The following SSC4D variants were observed in gnomAD, a reference collection of about 807,000 sequenced individuals.
The protein encoded by SSC4D is scavenger receptor cysteine rich family member with 4 domains, also known as scavenger receptor cysteine-rich domain-containing group B protein.
SSC4D carries 57 observed loss-of-function variants against 63.4 expected under a neutral mutation model. The observed-to-expected ratio is 0.90, with a 90% CI of 0.73 to 1.12. The LOEUF is 1.12. SSC4D is among the 50% of genes most tolerant of loss of function. The pLI, the probability that SSC4D is intolerant of heterozygous loss-of-function variation, is 0.00. For synonymous variants in SSC4D, 352 were observed against 345.4 expected (o/e 1.02, Z -0.21); for missense variants, 791 against 806.4 (o/e 0.98, Z 0.23).
chr7:76,394,768 T>TATATATATATATATAA (rs1554621451), intron 7 of SSC4D, among the ~76,000 whole-genome samples: 9 of 122,122 alleles, frequency 7.4e-5, no homozygotes, highest in African/African-American at 2.4e-4. Flanking sequence ...TATATATATA[T>TATATATATATATATAA]AAAATATGTA....
chr7:76,395,506 G>A (rs1804615237), intron 6 of SSC4D, among the ~76,000 whole-genome samples, 176 bp from the exon 7 acceptor site: 1 of 152,174 alleles, frequency 6.6e-6, no homozygotes, highest in Non-Finnish European at 1.5e-5. Flanking sequence ...CTTTGATAGT[G>A]GTTGTAATTC....
intron 9 of SSC4D, 71 bp downstream of exon 9, chr7:76,393,334 G>A: frequency 7.8e-7 from 1 of 1,281,504 alleles, no homozygotes; most frequent in South Asian, 2.4e-5. Context: ...CTCGCGCGTG[G>A]CGCCGCCCCG....
Position 76,400,991 on chromosome 7 carries a change from C to T in SSC4D, c.169+17G>A, listed in dbSNP as rs199648945. ...GCGGACAGGTGAGGGTGAGGAAGGG[C>T]GGGGTGGGGCACCTACCTTGAAAGG... is the stretch of plus-strand genomic sequence containing the variant. On this transcript the variant is annotated intron_variant, in intron 3 of 10. Coordinates refer to ENST00000275560, the MANE Select transcript of SSC4D (RefSeq NM_080744.2). The T allele has an allele frequency of 2.8e-5, 43 of 1,550,542 alleles. No homozygotes were observed. Among genetic ancestry groups the T allele is most frequent in the African/African-American group, 2.5e-4 (18 of 73,060 alleles).
chr7:76,401,180 A>G, intron 2 of SSC4D, 137 bp from the exon 3 acceptor site: 1 of 1,246,286 alleles, frequency 8.0e-7, no homozygotes, highest in South Asian at 1.6e-5. Context: ...GCTTTGCCAA[A>G]GCCCCATTGT....
rs867947410 is a variant in SSC4D, at chr7:76,405,299, A to T, written c.-66-794T>A. ...TATATATATATATATATATATATAT[A>T]TATATATATATATATATGTATTTTT... On this transcript the variant is annotated intron_variant, in intron 1 of 10. Transcript: ENST00000275560. Among the ~76,000 whole-genome samples, 69 of 47,978 alleles carry T rather than the reference A, an allele frequency of 1.4e-3. 3 individuals are homozygous for T. The highest frequency in any genetic ancestry group is 6.8e-3 in the African/African-American group (67 of 9,782). 31.5% of individuals were successfully genotyped at this position (47,978 alleles called of 152,430 possible).
At chr7:76,397,446 C>T in intron 6 of SSC4D, 72 bp downstream of exon 6, 1 of 1,429,716 alleles carries the variant, frequency 7.0e-7, no homozygotes, top group Non-Finnish European at 9.1e-7. Context: ...CCACCGAAGC[C>T]TCCTCCTCCA....
intron 9 of SSC4D, 42 bp from the exon 10 acceptor site, chr7:76,392,083 T>C: frequency 1.3e-6 from 2 of 1,545,534 alleles, no homozygotes; most frequent in South Asian, 1.2e-5. Context: ...GCTCTCACAA[T>C]GGGAAGCATG....
At chr7:76,396,117 G>C (rs1196474749) in intron 6 of SSC4D, among the ~76,000 whole-genome samples, 1 of 152,068 alleles carries the variant, frequency 6.6e-6, no homozygotes, top group Non-Finnish European at 1.5e-5. Flanking sequence ...CTCTTAAAGT[G>C]AAAAAACAAA....
chr7:76,397,557 T>C lies in SSC4D; in HGVS notation c.829A>G (p.Asn277Asp), dbSNP rs768764493. The C allele has an allele frequency of 1.2e-6, 2 of 1,602,628 alleles. No homozygotes were observed. The highest frequency in any genetic ancestry group is 1.1e-5 in the South Asian group (1 of 89,936). Residue 277 changes from asparagine to aspartate, a missense_variant, in exon 6 of 11, where the codon AAC (asparagine) becomes GAC (aspartate). By Grantham distance (23) the Asn-to-Asp change is conservative. Transcript: ENST00000275560. ...CCCGCGTCCTCGTGGTGGCCGCAGT[T>C]GTGCACACCCCAGCCCAGGCTCTGG... The part of the protein sequence containing the change: ...ACQSLGWGVH[N>D]CGHHEDAGAL...
In SSC4D at chr7:76,390,160, G is replaced by C; in HGVS notation, c.1627C>G (p.Arg543Gly). The C allele has an allele frequency of 6.2e-7, 1 of 1,614,226 alleles. No homozygotes were observed. Among genetic ancestry groups the C allele is most frequent in the South Asian group, 1.1e-5 (1 of 91,084 alleles). Residue 543 changes from arginine (R) to glycine (G), a missense_variant, in exon 11 of 11, where the codon CGT becomes GGT. Arg to Gly is a moderately radical substitution (Grantham distance 125). Transcript: ENST00000275560. ...AGCAGCAGAGCACTTTCTTCCCCAC[G>C]GCACTTGACATTGTCCAGGAGAATG... Reference protein sequence around the residue: ...GPILLDNVKCRGEESALLLCS... With the variant: ...GPILLDNVKCGGEESALLLCS...
Position 76,393,744 on chromosome 7 carries a change from A to G in SSC4D, c.1022-28T>C, listed in dbSNP as rs541065090. 2.6e-5 allele frequency: 36 copies of G among 1,411,694 alleles called. No homozygotes were observed. The African/African-American group carries it at 5.0e-4, about 20-fold the overall frequency. 87.4% of individuals were successfully genotyped at this position (1,411,694 alleles called of 1,614,324 possible). On this transcript the variant is annotated intron_variant, in intron 8 of 10. Transcript: ENST00000275560. Reference sequence around the variant, plus strand: ...GCGGGGCGCACAGGCCCGCGGCCAGAGGGGCTGGGCTGGGGCTGCCGGCTC... The same window carrying G: ...GCGGGGCGCACAGGCCCGCGGCCAGGGGGGCTGGGCTGGGGCTGCCGGCTC...
At chr7:76,397,400 A>G (rs940276577) in intron 6 of SSC4D, 118 bp downstream of exon 6, 1 of 1,282,312 alleles carries the variant, frequency 7.8e-7, no homozygotes, top group Middle Eastern at 2.8e-4. Flanking sequence ...TCTGGGGAGC[A>G]TCAAGACAGC....
chr7:76,408,654 A>G (rs1345694145), intron 1 of SSC4D, among the ~76,000 whole-genome samples: 1 of 151,900 alleles, frequency 6.6e-6, no homozygotes, highest in Non-Finnish European at 1.5e-5. Context: ...CAGATTTCAA[A>G]TCCCAGGTGA....
chr7:76,407,371 G>A (rs1225334737), intron 1 of SSC4D, among the ~76,000 whole-genome samples: 6 of 149,002 alleles, frequency 4.0e-5, no homozygotes, highest in South Asian at 2.1e-4. Flanking sequence ...TCGCCTTGTC[G>A]CCCAGGCTGG....
chr7:76,398,731 G>C lies in SSC4D; in HGVS notation c.542C>G (p.Pro181Arg). 3 of 1,613,136 alleles carry C rather than the reference G, an allele frequency of 1.9e-6. No individual in the cohort carries two copies. Among genetic ancestry groups the C allele is most frequent in the Non-Finnish European group, 2.5e-6 (3 of 1,179,370 alleles). Residue 181 changes from proline to arginine, a missense_variant, in exon 5 of 11, where the codon CCG becomes CGG. Physicochemically the swap from Pro to Arg is moderately radical, Grantham distance 103. Coordinates refer to ENST00000275560, the MANE Select transcript of SSC4D (RefSeq NM_080744.2). ...TTATGCTTACGTACTTTTTCCATTCGGCAGTGTCGTAGGAGGTGCTCTACT... is the reference window on the plus strand; with the variant it reads ...TTATGCTTACGTACTTTTTCCATTCCGCAGTGTCGTAGGAGGTGCTCTACT... ...LTSRAPPTTL[P>R]NGKSEGSVRL...
In SSC4D at chr7:76,393,489, C is replaced by G. The variant is rs1804549210; in HGVS notation, c.1249G>C (p.Glu417Gln). The G allele has an allele frequency of 3.3e-6, 5 of 1,522,716 alleles. No homozygotes were observed. Among genetic ancestry groups the G allele is most frequent in the Non-Finnish European group, 4.4e-6 (5 of 1,142,232 alleles). The allele number at this position is 1,522,716 out of a possible 1,614,324, so 94.3% of individuals were successfully genotyped here. The change falls in exon 9 of 11, where the codon GAG becomes CAG. Residue 417 changes from glutamate (E) to glutamine (Q), a missense_variant. Glu to Gln is a conservative substitution (Grantham distance 29, BLOSUM62 2). Transcript: ENST00000275560. ...LLDNVGCAGT[E>Q]ARLSDCFHLG... ...TGGAAGCAGTCGCTCAGGCGAGCCT[C>G]GGTGCCGGCGCAGCCCACGTTGTCC...
In SSC4D at chr7:76,400,540, A is replaced by G. The variant is rs745651709; in HGVS notation, c.221T>C (p.Met74Thr). Residue 74 changes from methionine to threonine, a missense_variant, in exon 4 of 11, where the codon ATG becomes ACG. Physicochemically the swap from Met to Thr is moderately conservative, Grantham distance 81. Coordinates refer to ENST00000275560, the MANE Select transcript of SSC4D (RefSeq NM_080744.2). The part of the protein sequence containing the change: ...PSRCRGRLEV[M>T]HGGSWGSVCD... ...GACGCTGCCCCAGGAGCCACCGTGC[A>G]TGACTTCCAGGCGGCCCCGGCAGCG... The G allele has an allele frequency of 2.6e-6, 4 of 1,552,552 alleles. No homozygotes were observed. The highest frequency in any genetic ancestry group is 2.4e-5 in the East Asian group (1 of 41,834).
At position 76,389,520 on chromosome 7, in the gene SSC4D, T is replaced by C. The variant is rs1804446094; in HGVS notation, c.*539A>G. The stretch of plus-strand genomic sequence containing the variant: ...TTTGGCCCCTCCCCCAGTCCCCTTG[T>C]CCAGCCGAGCACCATCTGAGTTAGT... On this transcript the variant is annotated 3_prime_UTR_variant, in exon 11 of 11. Coordinates refer to ENST00000275560, the MANE Select transcript of SSC4D (RefSeq NM_080744.2). 2 of 153,708 alleles carry C rather than the reference T, an allele frequency of 1.3e-5. No homozygotes were observed. Among genetic ancestry groups the C allele is most frequent in the Admixed American group, 6.5e-5 (1 of 15,396 alleles). The allele number at this position is 153,708 out of a possible 1,614,324, so 9.5% of individuals were successfully genotyped here.
chr7:76,392,465 G>A (rs545251885), intron 9 of SSC4D, among the ~76,000 whole-genome samples: 341 of 150,856 alleles, frequency 2.3e-3, no homozygotes, highest in African/African-American at 7.9e-3. Flanking sequence ...CAGGAGAATC[G>A]CTTGAACCTG....
Sources: allele counts gnomAD v4.1 joint callset (sites outside exome capture counted in the v4.1 genomes callset), GRCh38; gene constraint gnomAD v4.1.1; transcripts MANE v1.5; gene names NCBI Gene and HGNC (gene_info 2026-07-23, HGNC 2026-07-21).